The following ANKS1B variants were observed in gnomAD, a reference collection of about 807,000 sequenced individuals.
ANKS1B encodes the protein ankyrin repeat and sterile alpha motif domain-containing protein 1B.
ANKS1B carries 36 observed loss-of-function variants against 148.3 expected under a neutral mutation model. The observed-to-expected ratio is 0.24, with a 90% CI of 0.19 to 0.32. The LOEUF (loss-of-function observed/expected upper bound fraction) is 0.32, where lower values mean the gene tolerates loss of function less well. ANKS1B is among the 10% of genes least tolerant of loss of function. ANKS1B has a pLI of 1.00. For missense variants in ANKS1B, 1,157 were observed against 1,542.6 expected (o/e 0.75, Z 4.19); for synonymous variants, 542 against 560.8 (o/e 0.97, Z 0.47).
chr12:99,491,365 G>C (rs2096553909), intron 10 of ANKS1B, among the ~76,000 whole-genome samples: 2 of 151,788 alleles, frequency 1.3e-5, no homozygotes, highest in African/African-American at 4.8e-5. Flanking sequence ...TGAGTTCCAA[G>C]AGCTATAATG....
At chr12:98,754,583 CAT>C (rs1326314700) in intron 25 of ANKS1B, among the ~76,000 whole-genome samples, 1 of 152,240 alleles carries the variant, frequency 6.6e-6, no homozygotes, top group Non-Finnish European at 1.5e-5. Context: ...GATTCTGTAA[CAT>C]GTGGTCTTTA....
chr12:98,849,609 T>C (rs1037010531), intron 17 of ANKS1B, among the ~76,000 whole-genome samples: 12 of 152,164 alleles, frequency 7.9e-5, no homozygotes, highest in African/African-American at 2.7e-4. Flanking sequence ...AAATCATGAA[T>C]TTCAGAGAAA....
At chr12:98,782,337 G>A (rs1350350474) in intron 22 of ANKS1B, among the ~76,000 whole-genome samples, 200 bp from the exon 23 acceptor site, 1 of 152,156 alleles carries the variant, frequency 6.6e-6, no homozygotes, top group Non-Finnish European at 1.5e-5. Context: ...GGCTTTCACC[G>A]GCCCCTTTCT....
intron 17 of ANKS1B, among the ~76,000 whole-genome samples, chr12:98,869,512 A>C (rs544213233): frequency 6.8e-4 from 104 of 152,286 alleles, no homozygotes; most frequent in African/African-American, 2.5e-3. Context: ...GTCATTCAGC[A>C]CTTAATTCCT....
At chr12:99,483,055 A>G (rs2096437081) in intron 10 of ANKS1B, among the ~76,000 whole-genome samples, 2 of 150,948 alleles carry the variant, frequency 1.3e-5, no homozygotes, top group Admixed American at 1.3e-4. Flanking sequence ...TGGTGGAAGT[A>G]GGCAAGCTTG....
chr12:98,877,255 G>A (rs913093376), intron 17 of ANKS1B, among the ~76,000 whole-genome samples: 6 of 152,178 alleles, frequency 3.9e-5, no homozygotes, highest in African/African-American at 1.4e-4. Flanking sequence ...TGTCTAAGAA[G>A]GAGCCAAGGT....
chr12:99,098,614 A>T (rs1430701675), intron 15 of ANKS1B, among the ~76,000 whole-genome samples: 1 of 106,482 alleles, frequency 9.4e-6, no homozygotes, highest in African/African-American at 3.9e-5. Flanking sequence ...GCCTGCTAGG[A>T]ACTACTTTTT....
chr12:99,861,572 T>C (rs780935515), intron 1 of ANKS1B, among the ~76,000 whole-genome samples: 5 of 152,180 alleles, frequency 3.3e-5, no homozygotes, highest in Admixed American at 6.5e-5. Flanking sequence ...CAGATTATAT[T>C]TGGGAAAAGC....
chr12:98,772,043 A>T (rs747335486), intron 25 of ANKS1B, among the ~76,000 whole-genome samples: 2 of 152,226 alleles, frequency 1.3e-5, no homozygotes, highest in Non-Finnish European at 2.9e-5. Flanking sequence ...TTAGTAAATG[A>T]GTAATGGCAG....
chr12:99,559,505 AATATT>A (rs2153192847), intron 9 of ANKS1B, among the ~76,000 whole-genome samples: 1 of 152,326 alleles, frequency 6.6e-6, no homozygotes, highest in East Asian at 1.9e-4. Flanking sequence ...ACATAGAATT[AATATT>A]ACTCGTTCCA....
chr12:99,009,146 A>C (rs1477830777), intron 17 of ANKS1B, among the ~76,000 whole-genome samples: 1 of 152,248 alleles, frequency 6.6e-6, no homozygotes, highest in East Asian at 1.9e-4. Context: ...TGCCATGAAA[A>C]GCAAAGCAGA....
chr12:99,714,437 C>A (rs2057034210), intron 8 of ANKS1B, among the ~76,000 whole-genome samples: 1 of 152,166 alleles, frequency 6.6e-6, no homozygotes, highest in South Asian at 2.1e-4. Flanking sequence ...TTTGTCACAA[C>A]CCTGCATGGA....
At chr12:99,077,624 A>G (rs1371075511) in intron 16 of ANKS1B, among the ~76,000 whole-genome samples, 1 of 152,254 alleles carries the variant, frequency 6.6e-6, no homozygotes, top group Non-Finnish European at 1.5e-5. Context: ...GCGTACACAC[A>G]TCTGCGTCAA....
chr12:99,098,816 A>T (rs539027929), intron 15 of ANKS1B, among the ~76,000 whole-genome samples: 51 of 149,024 alleles, frequency 3.4e-4, no homozygotes, highest in Admixed American at 9.3e-4. Context: ...TGGGAAAGTC[A>T]CTTGATCTGG....
chr12:99,113,144 C>A (rs2060650117), intron 15 of ANKS1B, among the ~76,000 whole-genome samples: 1 of 152,160 alleles, frequency 6.6e-6, no homozygotes, highest in African/African-American at 2.4e-5. Flanking sequence ...TGAGCCATTG[C>A]CAATATAGGG....
chr12:98,757,467 C>T (rs1364772669), intron 25 of ANKS1B, among the ~76,000 whole-genome samples: 1 of 152,194 alleles, frequency 6.6e-6, no homozygotes, highest in African/African-American at 2.4e-5. Flanking sequence ...CTGGTTGGAC[C>T]CTCATTCAGA....
In ANKS1B at chr12:99,347,179, A is replaced by G. The variant is rs117260937; in HGVS notation, c.1756+52452T>C. 5.1e-3 allele frequency among the ~76,000 whole-genome samples: 769 copies of G among 152,168 alleles called. 37 individuals are homozygous for G. In the East Asian group the frequency reaches 0.11, roughly 21 times the overall value. ...AGGGCACAAACATGGCTGCACAGAC[A>G]GCATCTATATAAATACTTAATAGCA... is the stretch of plus-strand genomic sequence containing the variant. On this transcript the variant is annotated intron_variant, in intron 12 of 26. Coordinates refer to ENST00000683438, the MANE Select transcript of ANKS1B (RefSeq NM_001352186.2).
chr12:99,516,783 A>T (rs553665195), intron 9 of ANKS1B, among the ~76,000 whole-genome samples: 2 of 151,932 alleles, frequency 1.3e-5, no homozygotes, highest in Non-Finnish European at 2.9e-5. Context: ...TTTTTTCCCA[A>T]TGTATGTTCT....
Position 99,403,487 on chromosome 12 carries a change from T to TGG in ANKS1B, c.1576-3677_1576-3676insCC, listed in dbSNP as rs1277804074. Among the ~76,000 whole-genome samples, 55 of 143,922 alleles carry TGG rather than the reference T, an allele frequency of 3.8e-4. 4 individuals carry two copies. Among genetic ancestry groups the TGG allele is most frequent in the Middle Eastern group, 6.9e-3 (2 of 288 alleles). 94.4% of individuals were successfully genotyped at this position (143,922 alleles called of 152,430 possible). ...TGCCCACTTTTTAATGGGGGTTGAT[T>TGG]TTTTTTTCTTGTAAATGTAAGTTAA... On this transcript the variant is annotated intron_variant, in intron 11 of 26. Coordinates refer to ENST00000683438, the MANE Select transcript of ANKS1B (RefSeq NM_001352186.2).
Sources: allele counts gnomAD v4.1 joint callset (sites outside exome capture counted in the v4.1 genomes callset), GRCh38; gene constraint gnomAD v4.1.1; transcripts MANE v1.5; gene names NCBI Gene and HGNC (gene_info 2026-07-23, HGNC 2026-07-21).